GHR: variants seen among roughly 807,000 people sequenced by gnomAD.
The protein encoded by GHR is growth hormone receptor, also known as GH receptor.
Under a neutral mutation model 67.1 loss-of-function variants are expected in GHR, and 35 were observed. That is an observed-to-expected ratio of 0.52 (90% CI 0.40 to 0.69). The LOEUF (loss-of-function observed/expected upper bound fraction) is 0.69, where lower values mean the gene tolerates loss of function less well. Among genes scored for constraint, GHR ranks in the 30% least tolerant of loss-of-function variants. The pLI is 0.00. For missense variants in GHR, 792 were observed against 764.6 expected (o/e 1.04, Z -0.42); for synonymous variants, 272 against 269.1 (o/e 1.01, Z -0.10).
At chr5:42,675,516 T>C (rs1221503086) in intron 3 of GHR, among the ~76,000 whole-genome samples, 2 of 152,144 alleles carry the variant, frequency 1.3e-5, no homozygotes, top group African/African-American at 4.8e-5. Context: ...ATGAAATAAT[T>C]TGAAAGGCAA....
In GHR at chr5:42,511,413, C is replaced by T. The variant is rs529051886; in HGVS notation, c.-11-54451C>T. 3.2e-4 allele frequency among the ~76,000 whole-genome samples: 48 copies of T among 152,168 alleles called. 1 individual carries two copies. In the South Asian group the frequency reaches 8.3e-3, roughly 26 times the overall value. On this transcript the variant is annotated intron_variant, in intron 1 of 9. Transcript: ENST00000230882. ...AACCACATCCATAAGTATTAAGATC[C>T]GTGAGGGCAAGACTTGTGGGTTTTT... is the stretch of plus-strand genomic sequence containing the variant.
chr5:42,481,782 A>C (rs1745651561), intron 1 of GHR, among the ~76,000 whole-genome samples: 1 of 152,064 alleles, frequency 6.6e-6, no homozygotes, highest in Non-Finnish European at 1.5e-5. Flanking sequence ...TTATACATTC[A>C]TCTAATTTTT....
intron 2 of GHR, among the ~76,000 whole-genome samples, chr5:42,602,153 C>A (rs1000033960): frequency 1.3e-5 from 2 of 152,070 alleles, no homozygotes; most frequent in Non-Finnish European, 1.5e-5. Context: ...ACATAGTTAT[C>A]TTTTGCGTGT....
intron 1 of GHR, among the ~76,000 whole-genome samples, chr5:42,517,664 A>G (rs925837393): frequency 1.3e-5 from 2 of 152,164 alleles, no homozygotes; most frequent in Admixed American, 6.6e-5. Flanking sequence ...GTGTTTTGAC[A>G]TCTGCAGTAA....
At chr5:42,698,796 C>T (rs1044067040) in intron 5 of GHR, among the ~76,000 whole-genome samples, 14 of 152,160 alleles carry the variant, frequency 9.2e-5, no homozygotes, top group African/African-American at 3.4e-4. Context: ...AAATTTTACT[C>T]TGTATCTGCA....
intron 1 of GHR, chr5:42,466,917 C>A: frequency 1.4e-5 from 21 of 1,516,372 alleles, no homozygotes; most frequent in Non-Finnish European, 1.7e-5. Context: ...TGTGGTGTCG[C>A]ATGAGGTGTG....
At chr5:42,476,342 C>G (rs2112127866) in intron 1 of GHR, among the ~76,000 whole-genome samples, 1 of 152,204 alleles carries the variant, frequency 6.6e-6, no homozygotes, top group South Asian at 2.1e-4. Context: ...GCCTCAGCCT[C>G]CCGAGTAGCT....
intron 3 of GHR, among the ~76,000 whole-genome samples, chr5:42,645,556 T>C (rs28943889): frequency 0.12 from 17,790 of 152,268 alleles, 1,212 homozygotes; most frequent in Middle Eastern, 0.18. Context: ...TGTTTGTTTC[T>C]GCCTTCTAAT....
chr5:42,468,877 C>G (rs1437000876), intron 1 of GHR: 5 of 809,644 alleles, frequency 6.2e-6, no homozygotes, highest in South Asian at 2.1e-5. Flanking sequence ...GATGGTTGCT[C>G]GGCGGCACAT....
intron 2 of GHR, among the ~76,000 whole-genome samples, chr5:42,624,542 A>G (rs149229506): frequency 7.2e-4 from 110 of 152,348 alleles, no homozygotes; most frequent in African/African-American, 2.6e-3. Context: ...AAATCTGTGC[A>G]TATTTAATGT....
intron 3 of GHR, among the ~76,000 whole-genome samples, chr5:42,680,295 T>C (rs1470379051): frequency 6.6e-6 from 1 of 152,220 alleles, no homozygotes; most frequent in Non-Finnish European, 1.5e-5. Flanking sequence ...ATAATAGCCA[T>C]TCTTTATCCA....
At chr5:42,486,278 C>A (rs1745875050) in intron 1 of GHR, among the ~76,000 whole-genome samples, 1 of 152,208 alleles carries the variant, frequency 6.6e-6, no homozygotes, top group African/African-American at 2.4e-5. Flanking sequence ...AACCCTCTCA[C>A]CACGAGCTTT....
At chr5:42,571,163 G>A (rs1750286328) in intron 2 of GHR, among the ~76,000 whole-genome samples, 1 of 152,238 alleles carries the variant, frequency 6.6e-6, no homozygotes, top group Admixed American at 6.5e-5. Context: ...TAGCACTAAA[G>A]TGGCACTTGC....
intron 3 of GHR, among the ~76,000 whole-genome samples, chr5:42,641,142 TAG>T (rs1754452489): frequency 1.3e-5 from 2 of 152,060 alleles, no homozygotes; most frequent in Admixed American, 1.3e-4. Flanking sequence ...CTTCCCCTGA[TAG>T]ACTCTCCTTA....
intron 1 of GHR, among the ~76,000 whole-genome samples, chr5:42,505,134 T>TC (rs1554013910): frequency 7.9e-5 from 12 of 151,630 alleles, no homozygotes; most frequent in South Asian, 4.2e-4. Context: ...TTTTTTTTTT[T>TC]TTTCTTTCTT....
chr5:42,551,639 A>G (rs1749040272), intron 1 of GHR, among the ~76,000 whole-genome samples: 1 of 152,186 alleles, frequency 6.6e-6, no homozygotes, highest in African/African-American at 2.4e-5. Flanking sequence ...TAAGAAATAG[A>G]AGAAATGAAT....
At chr5:42,535,110 G>T (rs1416842343) in intron 1 of GHR, among the ~76,000 whole-genome samples, 2 of 152,050 alleles carry the variant, frequency 1.3e-5, no homozygotes, top group Non-Finnish European at 2.9e-5. Flanking sequence ...TCTGTGGGTT[G>T]CCCATTTACT....
At chr5:42,483,105 G>T (rs1054263072) in intron 1 of GHR, among the ~76,000 whole-genome samples, 4 of 152,146 alleles carry the variant, frequency 2.6e-5, no homozygotes, top group Admixed American at 6.5e-5. Context: ...GTCTCACTTT[G>T]TCATCCAGGC....
chr5:42,598,037 G>A (rs549246367), intron 2 of GHR, among the ~76,000 whole-genome samples: 1 of 152,328 alleles, frequency 6.6e-6, no homozygotes, highest in African/African-American at 2.4e-5. Flanking sequence ...TGTCTTTAAT[G>A]ATGACCAAAG....
Sources: gnomAD v4.1 joint callset for allele counts (sites outside exome capture counted in the v4.1 genomes callset) on GRCh38, gnomAD v4.1.1 for gene constraint, MANE v1.5 for transcripts, NCBI Gene and HGNC (gene_info 2026-07-23, HGNC 2026-07-21) for gene names.